Variants in SUGP2 observed in about 807,000 individuals in gnomAD.
SUGP2 encodes the protein SURP and G-patch domain-containing protein 2.
In SUGP2, 24 loss-of-function variants were observed where a neutral mutation model predicts 90.5. The observed-to-expected ratio is 0.27, with a 90% CI of 0.19 to 0.37. The LOEUF is 0.37. SUGP2 is among the 10% of genes least tolerant of loss of function. The pLI, the probability that SUGP2 is intolerant of heterozygous loss-of-function variation, is 1.00. For synonymous variants in SUGP2, 473 were observed against 513.4 expected (o/e 0.92, Z 1.06); for missense variants, 1,233 against 1,363.3 (o/e 0.90, Z 1.51).
Position 19,024,819 on chromosome 19 carries a change from G to A in SUGP2, c.1529C>T (p.Ser510Leu). ...TTCGAAGTTTGGAAACGCAGCAGGT[G>A]AGGGAGCTATATCTTGCAGGCCGAC... ...EAVGLQDIAP[S>L]PAAFPNFEDS... is the part of the protein sequence containing the mutation. Residue 510 changes from serine (S) to leucine (L), a missense_variant, in exon 3 of 11, where the codon TCA (serine) becomes TTA (leucine). Physicochemically the swap from Ser to Leu is moderately radical, Grantham distance 145. This residue lies in a region of SUGP2 where 540 missense variants were observed against 542.6 expected (regional missense o/e 1.00). Transcript: ENST00000452918. 2 of 1,614,228 alleles carry A rather than the reference G, an allele frequency of 1.2e-6. No homozygotes were observed. The highest frequency in any genetic ancestry group is 1.7e-5 in the Admixed American group (1 of 60,024).
At position 18,991,563 on chromosome 19, in the gene SUGP2, A is replaced by G. The variant is rs1255147986; in HGVS notation, c.*2178T>C. On this transcript the variant is annotated 3_prime_UTR_variant, in exon 11 of 11. Transcript: ENST00000452918. ...TTCCTAAAGCATTTAACTTTTTAATAAAATGAAGTGGAGAAAGTCAAGAAT... is the reference window on the plus strand; with the variant it reads ...TTCCTAAAGCATTTAACTTTTTAATGAAATGAAGTGGAGAAAGTCAAGAAT... 1 of 152,204 alleles carries G rather than the reference A, an allele frequency of 6.6e-6. No individual in the cohort carries two copies. The highest frequency in any genetic ancestry group is 1.5e-5 in the Non-Finnish European group (1 of 68,052). 9.4% of individuals were successfully genotyped at this position (152,204 alleles called of 1,614,324 possible).
At chr19:18,999,384 G>C (rs2057741745) in intron 8 of SUGP2, among the ~76,000 whole-genome samples, 1 of 152,118 alleles carries the variant, frequency 6.6e-6, no homozygotes, top group Non-Finnish European at 1.5e-5. Flanking sequence ...CTACCTGCTG[G>C]GTAAGTGTGG....
intron 10 of SUGP2, 63 bp from the exon 11 acceptor site, chr19:18,993,803 A>C (rs941408552): frequency 6.8e-6 from 1 of 147,480 alleles, no homozygotes; most frequent in Non-Finnish European, 1.5e-5. Flanking sequence ...GGGGCAACTA[A>C]AAAAAAAAAA....
In SUGP2 at chr19:19,025,979, A is replaced by C; in HGVS notation, c.369T>G (p.Ile123Met). The part of the protein sequence containing the change: ...FSHSDSRDQV[I>M]GHRKLGHFRS... ...GGAAATGCCCCAATTTCCGGTGGCC[A>C]ATGACCTGGTCCCGAGAATCAGAGT... Residue 123 changes from isoleucine to methionine, a missense_variant, in exon 3 of 11, where the codon ATT (isoleucine) becomes ATG (methionine). By Grantham distance (10) the Ile-to-Met change is conservative. Coordinates refer to ENST00000452918, the MANE Select transcript of SUGP2 (RefSeq NM_001017392.5). The C allele has an allele frequency of 5.6e-6, 9 of 1,614,134 alleles. No individual in the cohort carries two copies. Among genetic ancestry groups the C allele is most frequent in the African/African-American group, 1.3e-5 (1 of 75,032 alleles).
intron 2 of SUGP2, among the ~76,000 whole-genome samples, chr19:19,027,313 A>T (rs983912526): frequency 7.9e-5 from 12 of 152,164 alleles, no homozygotes; most frequent in African/African-American, 2.9e-4. Flanking sequence ...AAATCAAATG[A>T]ACAGGGAAGG....
At chr19:18,994,917 C>T in intron 9 of SUGP2, 1 of 597,510 alleles carries the variant, frequency 1.7e-6, no homozygotes, top group Non-Finnish European at 2.9e-6. Flanking sequence ...GCCAAAATGA[C>T]CAGGGCCAAC....
In SUGP2 at chr19:19,019,991, C is replaced by CAAAAAAAAA. The variant is rs11434968; in HGVS notation, c.1730-771_1730-763dup. 8.3e-4 allele frequency among the ~76,000 whole-genome samples: 29 copies of CAAAAAAAAA among 34,758 alleles called. 1 individual carries two copies. Among genetic ancestry groups the CAAAAAAAAA allele is most frequent in the Non-Finnish European group, 1.1e-3 (23 of 21,176 alleles). The allele number at this position is 34,758 out of a possible 152,430, so 22.8% of individuals were successfully genotyped here. A position where few individuals can be genotyped will look rare whatever the true frequency, so the allele number is the denominator to read the frequency against. ...GTGAAACTCCGTCTCTGCTAAAATA[C>CAAAAAAAAA]AAAAAAAAAAAAAAAAAAAAAAATT... is the stretch of plus-strand genomic sequence containing the variant. On this transcript the variant is annotated intron_variant, in intron 3 of 10. Coordinates refer to ENST00000452918, the MANE Select transcript of SUGP2 (RefSeq NM_001017392.5).
intron 8 of SUGP2, among the ~76,000 whole-genome samples, chr19:18,996,037 G>C (rs1368652449): frequency 6.6e-6 from 1 of 152,160 alleles, no homozygotes; most frequent in Non-Finnish European, 1.5e-5. Context: ...ACACACTGCT[G>C]TGTGACAGAG....
At chr19:19,010,764 G>T (rs989766957) in intron 4 of SUGP2, among the ~76,000 whole-genome samples, 6 of 152,188 alleles carry the variant, frequency 3.9e-5, no homozygotes, top group Non-Finnish European at 7.3e-5. Flanking sequence ...TAACCAAGGA[G>T]CCTGCGGCCC....
At chr19:19,008,815 G>A (rs1360692170) in intron 5 of SUGP2, among the ~76,000 whole-genome samples, 1 of 152,222 alleles carries the variant, frequency 6.6e-6, no homozygotes, top group Non-Finnish European at 1.5e-5. Flanking sequence ...TCAGCTGACA[G>A]CCTGGACACC....
In SUGP2 at chr19:19,025,953, C is replaced by T. The variant is rs771245156; in HGVS notation, c.395G>A (p.Arg132His). Residue 132 changes from arginine to histidine, a missense_variant, in exon 3 of 11, where the codon CGT becomes CAT. Physicochemically the swap from Arg to His is conservative, Grantham distance 29. Coordinates refer to ENST00000452918, the MANE Select transcript of SUGP2 (RefSeq NM_001017392.5). Reference protein sequence around the residue: ...VIGHRKLGHFRSQDWKFALRG... With the variant: ...VIGHRKLGHFHSQDWKFALRG... ...GAGCGCAAATTTCCAGTCCTGAGAACGGAAATGCCCCAATTTCCGGTGGCC... is the reference window on the plus strand; with the variant it reads ...GAGCGCAAATTTCCAGTCCTGAGAATGGAAATGCCCCAATTTCCGGTGGCC... 2.2e-5 allele frequency: 36 copies of T among 1,614,046 alleles called. No individual in the cohort carries two copies. Among genetic ancestry groups the T allele is most frequent in the Admixed American group, 1.3e-4 (8 of 59,992 alleles).
intron 8 of SUGP2, among the ~76,000 whole-genome samples, chr19:18,995,870 G>A (rs139836522): frequency 1.3e-5 from 2 of 152,192 alleles, no homozygotes; most frequent in East Asian, 1.9e-4. Flanking sequence ...CTGAGAGCTA[G>A]TACAGCTGTT....
rs765600293 is a variant in SUGP2 at position 19,030,927 on chromosome 19, TACA to T, written c.121+21_121+23del. ...GATACACCCCTACCAAAACAACAAC[TACA>T]ACAACAACACTTTATTTTACCTTGA... On this transcript the variant is annotated intron_variant, in intron 2 of 10. Coordinates refer to ENST00000452918, the MANE Select transcript of SUGP2 (RefSeq NM_001017392.5). 60 of 1,600,122 alleles carry T rather than the reference TACA, an allele frequency of 3.7e-5. No homozygotes were observed. The East Asian group carries it at 3.8e-4, about 10-fold the overall frequency.
Position 19,010,190 on chromosome 19 carries a change from C to T in SUGP2, c.2003G>A (p.Arg668His), listed in dbSNP as rs775472143. Residue 668 changes from arginine (R) to histidine (H), a missense_variant, in exon 5 of 11, where the codon CGC becomes CAC. Arg to His is a conservative substitution (Grantham distance 29). Transcript: ENST00000452918. The part of the protein sequence containing the change: ...VRAMLYSRAV[R>H]NLKKKLLPWQ... ...CGGAAGGAGTTTCTTCTTGAGGTTG[C>T]GGACAGCCCGGGAGTACAGCATGGC... 9.9e-6 allele frequency: 16 copies of T among 1,613,666 alleles called. No homozygotes were observed. Among genetic ancestry groups the T allele is most frequent in the Admixed American group, 1.7e-5 (1 of 59,984 alleles).
Position 19,026,015 on chromosome 19 carries a change from C to T in SUGP2, c.333G>A (p.Leu111=). ...SYFRKECGRD[L]EFSHSDSRDQ... ...CCCGAGAATCAGAGTGAGAAAATTC[C>T]AGATCCCGGCCACATTCTTTGCGAA... is the stretch of plus-strand genomic sequence containing the variant. Residue 111 remains leucine (L), a synonymous_variant, in exon 3 of 11, where the codon CTG becomes CTA. Transcript: ENST00000452918. 1.2e-6 allele frequency: 2 copies of T among 1,614,072 alleles called. No individual in the cohort carries two copies. Among genetic ancestry groups the T allele is most frequent in the Non-Finnish European group, 1.7e-6 (2 of 1,180,026 alleles).
At chr19:19,014,468 G>C (rs1462374239) in intron 4 of SUGP2, among the ~76,000 whole-genome samples, 1 of 152,078 alleles carries the variant, frequency 6.6e-6, no homozygotes, top group Non-Finnish European at 1.5e-5. Context: ...TCTTATATCT[G>C]CCTCCTAGAG....
At chr19:19,005,012 T>G (rs2058006846) in intron 6 of SUGP2, among the ~76,000 whole-genome samples, 2 of 152,214 alleles carry the variant, frequency 1.3e-5, no homozygotes. Flanking sequence ...ATTTTGACTC[T>G]GGTTCCTCCC....
chr19:19,033,429 G>A lies in SUGP2; in HGVS notation c.-12+8C>T. ...CACCCACCGACGACGCCAGGGCCCGGGCCTCACCCCGAGACCACCGCGCGC... is the reference window on the plus strand; with the variant it reads ...CACCCACCGACGACGCCAGGGCCCGAGCCTCACCCCGAGACCACCGCGCGC... On this transcript the variant is annotated splice_region_variant and intron_variant, in intron 1 of 10. Coordinates refer to ENST00000452918, the MANE Select transcript of SUGP2 (RefSeq NM_001017392.5). 7.3e-7 allele frequency: 1 copy of A among 1,371,970 alleles called. No individual in the cohort carries two copies. The highest frequency in any genetic ancestry group is 3.6e-5 in the East Asian group (1 of 27,520). 85.0% of individuals were successfully genotyped at this position (1,371,970 alleles called of 1,614,324 possible).
intron 4 of SUGP2, among the ~76,000 whole-genome samples, chr19:19,012,393 T>A (rs990412065): frequency 6.6e-6 from 1 of 152,202 alleles, no homozygotes; most frequent in Non-Finnish European, 1.5e-5. Context: ...CTCTGATGGC[T>A]TTCCTTGTTC....
Sources: gnomAD v4.1 joint callset for allele counts (sites outside exome capture counted in the v4.1 genomes callset) on GRCh38, gnomAD v4.1.1 for gene constraint, gnomAD v4.1.1 regional missense constraint, MANE v1.5 for transcripts, NCBI Gene and HGNC (gene_info 2026-07-23, HGNC 2026-07-21) for gene names.